ZNF709: variants seen among roughly 807,000 people sequenced by gnomAD.
ZNF709 encodes zinc finger protein 709.
A neutral mutation model predicts 10.6 loss-of-function variants in ZNF709; 15 were observed. The observed-to-expected ratio is 1.41, with a 90% CI of 0.95 to 2.18. The LOEUF is 2.18. ZNF709 is among the 30% of genes most tolerant of loss of function. The probability of loss-of-function intolerance (pLI) is 0.00; values close to 1 mark genes in which losing one functional copy is unlikely to be tolerated. For synonymous variants in ZNF709, 194 were observed against 238.8 expected (o/e 0.81, Z 1.73); for missense variants, 589 against 774.0 (o/e 0.76, Z 2.84).
intron 1 of ZNF709, among the ~76,000 whole-genome samples, chr19:12,470,901 T>G (rs1970629425): frequency 2.1e-5 from 3 of 143,608 alleles, no homozygotes; most frequent in South Asian, 4.4e-4. Context: ...CACTCCAGCC[T>G]GGGCAACAGA....
intron 1 of ZNF709, among the ~76,000 whole-genome samples, chr19:12,469,111 G>A (rs1189070838): frequency 6.6e-6 from 1 of 152,088 alleles, no homozygotes. Context: ...AAGTGCTTGG[G>A]ATTACAGGTG....
At position 12,484,728 on chromosome 19, in the gene ZNF709, T is replaced by A. The variant is rs1970764331; in HGVS notation, c.-71A>T. 2 of 1,607,162 alleles carry A rather than the reference T, an allele frequency of 1.2e-6. No individual in the cohort carries two copies. Among genetic ancestry groups the A allele is most frequent in the Admixed American group, 3.3e-5 (2 of 59,902 alleles). On this transcript the variant is annotated 5_prime_UTR_variant, in exon 1 of 4. Coordinates refer to ENST00000397732, the MANE Select transcript of ZNF709 (RefSeq NM_152601.4). ...GGCCAGCACAGGTCCTACCTCCACC[T>A]GAGGCCCTTCCTCCACCTGAGGGCC...
Position 12,469,490 on chromosome 19 carries a change from C to T in ZNF709, c.4-2640G>A, listed in dbSNP as rs557738520. Among the ~76,000 whole-genome samples, 6 of 152,056 alleles carry T rather than the reference C, an allele frequency of 3.9e-5. No homozygotes were observed. The South Asian group carries it at 1.2e-3, about 32-fold the overall frequency. On this transcript the variant is annotated intron_variant, in intron 1 of 3. Coordinates refer to ENST00000397732, the MANE Select transcript of ZNF709 (RefSeq NM_152601.4). ...TAGATCATAAAAATTAAATCTTCAC[C>T]AGGCGCGGTTGCTCACGCCTATAAT...
At chr19:12,469,806 T>A (rs1370512769) in intron 1 of ZNF709, among the ~76,000 whole-genome samples, 1 of 151,968 alleles carries the variant, frequency 6.6e-6, no homozygotes, top group Non-Finnish European at 1.5e-5. Flanking sequence ...ATCCCCACAC[T>A]CATGAGCCTC....
intron 1 of ZNF709, among the ~76,000 whole-genome samples, chr19:12,478,746 T>C (rs1257129963): frequency 6.6e-6 from 1 of 152,178 alleles, no homozygotes; most frequent in African/African-American, 2.4e-5. Context: ...TGGGTTTTTA[T>C]TGTAGTTTGG....
At chr19:12,481,930 G>C (rs1457106839) in intron 1 of ZNF709, among the ~76,000 whole-genome samples, 2 of 140,824 alleles carry the variant, frequency 1.4e-5, no homozygotes, top group African/African-American at 5.3e-5. Flanking sequence ...AAAAAGGGAA[G>C]GAAGGAAGGG....
rs750712959 is a variant in ZNF709, at chr19:12,465,204, G to A, written c.718C>T (p.Arg240Ter). ...GKTFSHPSSF[R>*]NHERTHSGEK... Reference sequence around the variant, plus strand: ...CCAGAGTGAGTTCTTTCATGATTTCGAAAAGAACTGGGATGACTGAACGTT... The same window carrying A: ...CCAGAGTGAGTTCTTTCATGATTTCAAAAAGAACTGGGATGACTGAACGTT... The change falls in exon 4 of 4, where the codon CGA becomes TGA. Residue 240 changes from arginine to a stop codon, truncating the protein, a stop_gained. Transcript: ENST00000397732. LOFTEE classifies it low-confidence loss of function (END_TRUNC). The A allele has an allele frequency of 1.2e-5, 19 of 1,612,832 alleles. No individual in the cohort carries two copies. The highest frequency in any genetic ancestry group is 1.5e-5 in the Non-Finnish European group (18 of 1,179,136).
chr19:12,465,889 C>T (rs1364813839), intron 3 of ZNF709, among the ~76,000 whole-genome samples, 156 bp from the exon 4 acceptor site: 2 of 151,580 alleles, frequency 1.3e-5, no homozygotes, highest in African/African-American at 2.4e-5. Flanking sequence ...AGGAAGAGTA[C>T]TTGACCAGAG....
intron 1 of ZNF709, among the ~76,000 whole-genome samples, chr19:12,475,365 G>C (rs752774727): frequency 6.7e-6 from 1 of 148,794 alleles, no homozygotes; most frequent in Non-Finnish European, 1.5e-5. Flanking sequence ...ATAGTAAAAA[G>C]AGAAATTAAA....
Position 12,463,926 on chromosome 19 carries a change from CAAAAAAAA to C in ZNF709, c.*62_*69del, listed in dbSNP as rs60000717. 621 of 916,104 alleles carry C rather than the reference CAAAAAAAA, an allele frequency of 6.8e-4. No homozygotes were observed. The Middle Eastern group carries it at 8.4e-3, about 12-fold the overall frequency. 56.7% of individuals were successfully genotyped at this position (916,104 alleles called of 1,614,324 possible). On this transcript the variant is annotated 3_prime_UTR_variant, in exon 4 of 4. Coordinates refer to ENST00000397732, the MANE Select transcript of ZNF709 (RefSeq NM_152601.4). Reference sequence around the variant, plus strand: ...AGGGCAACAGAGTGAGAATTCAACTCAAAAAAAAAAAAAAAAAAAAAGGAAATAGGACA... The same window carrying C: ...AGGGCAACAGAGTGAGAATTCAACTCAAAAAAAAAAAAAGGAAATAGGACA...
intron 1 of ZNF709, among the ~76,000 whole-genome samples, chr19:12,471,951 A>G (rs1337181222): frequency 1.3e-5 from 2 of 152,238 alleles, no homozygotes; most frequent in African/African-American, 2.4e-5. Flanking sequence ...TAAAATCAAG[A>G]AAGTTAAAAG....
chr19:12,464,196 G>C lies in ZNF709; in HGVS notation c.1726C>G (p.Arg576Gly). ...GKAFSCSSSV[R>G]MHERTHTGVK... ...CCAGTGTGAGTCCTTTCATGCATTC[G>C]AACAGAACTAGAACAACTGAAGGCC... Residue 576 changes from arginine to glycine, a missense_variant, in exon 4 of 4, where the codon CGA (arginine) becomes GGA (glycine). Arg to Gly is a moderately radical substitution (Grantham distance 125, BLOSUM62 -2). Around this residue, in one of 2 missense-constraint regions of ZNF709, gnomAD observed 171 missense variants for 277.7 expected, o/e 0.62. Coordinates refer to ENST00000397732, the MANE Select transcript of ZNF709 (RefSeq NM_152601.4). 1 of 1,580,392 alleles carries C rather than the reference G, an allele frequency of 6.3e-7. No individual in the cohort carries two copies. Among genetic ancestry groups the C allele is most frequent in the Non-Finnish European group, 8.6e-7 (1 of 1,166,316 alleles).
intron 1 of ZNF709, among the ~76,000 whole-genome samples, chr19:12,471,668 T>C (rs570984326): frequency 4.2e-4 from 64 of 151,942 alleles, no homozygotes; most frequent in Middle Eastern, 3.4e-3. Context: ...ATAAGGAAAA[T>C]TGATTAATGA....
chr19:12,471,320 G>T (rs542263522), intron 1 of ZNF709, among the ~76,000 whole-genome samples: 1 of 152,134 alleles, frequency 6.6e-6, no homozygotes, highest in Admixed American at 6.6e-5. Flanking sequence ...GTGGAAGTTG[G>T]TACATGTTCT....
chr19:12,468,778 T>C (rs1970607188), intron 1 of ZNF709, among the ~76,000 whole-genome samples: 1 of 152,106 alleles, frequency 6.6e-6, no homozygotes, highest in Non-Finnish European at 1.5e-5. Flanking sequence ...AAATACTTTT[T>C]ATCTCCTGCT....
intron 1 of ZNF709, among the ~76,000 whole-genome samples, chr19:12,477,370 G>C (rs929379421): frequency 6.6e-6 from 1 of 152,198 alleles, no homozygotes; most frequent in African/African-American, 2.4e-5. Flanking sequence ...TGTCAAGCCA[G>C]TTTGTAAGTG....
In ZNF709 at chr19:12,468,234, G is replaced by A. The variant is rs867101304; in HGVS notation, c.4-1384C>T. ...GAGAACGGGCCATAATGACAATGGCGGTTTTGTGGAATAGAAAAGGGGGAA... is the reference window on the plus strand; with the variant it reads ...GAGAACGGGCCATAATGACAATGGCAGTTTTGTGGAATAGAAAAGGGGGAA... On this transcript the variant is annotated intron_variant, in intron 1 of 3. Transcript: ENST00000397732. Among the ~76,000 whole-genome samples the A allele has an allele frequency of 2.8e-3, 421 of 152,340 alleles. 5 individuals are homozygous for A. The highest frequency in any genetic ancestry group is 9.5e-3 in the African/African-American group (396 of 41,578).
intron 1 of ZNF709, among the ~76,000 whole-genome samples, chr19:12,467,117 C>G (rs1181164214): frequency 2.6e-5 from 4 of 152,164 alleles, no homozygotes; most frequent in Admixed American, 1.3e-4. Context: ...AAATGCTATA[C>G]GATACTCTCC....
At position 12,461,455 on chromosome 19, in the gene ZNF709, T is replaced by G. The variant is rs1393673084; in HGVS notation, c.*2541A>C. 1.3e-5 allele frequency: 2 copies of G among 152,112 alleles called. No homozygotes were observed. Among genetic ancestry groups the G allele is most frequent in the Non-Finnish European group, 2.9e-5 (2 of 68,030 alleles). The allele number at this position is 152,112 out of a possible 1,614,324, so 9.4% of individuals were successfully genotyped here. ...TTCTTACACTGTAGGACTGGGTAAG[T>G]GCATTCCCTGCACAGTGCAGTGGAG... is the stretch of plus-strand genomic sequence containing the variant. On this transcript the variant is annotated 3_prime_UTR_variant, in exon 4 of 4. Coordinates refer to ENST00000397732, the MANE Select transcript of ZNF709 (RefSeq NM_152601.4).
Sources: allele counts gnomAD v4.1 joint callset (sites outside exome capture counted in the v4.1 genomes callset), GRCh38; gene constraint gnomAD v4.1.1; regional missense constraint gnomAD v4.1.1; transcripts MANE v1.5; gene names NCBI Gene and HGNC (gene_info 2026-07-23, HGNC 2026-07-21).